Variants in GLYCTK observed in about 807,000 individuals in gnomAD.
GLYCTK encodes HBeAg binding protein 4.
In GLYCTK, 22 loss-of-function variants were observed where a neutral mutation model predicts 24.8. The observed-to-expected ratio is 0.89, with a 90% confidence interval of 0.63 to 1.27. The LOEUF is 1.27. Among genes scored for constraint, GLYCTK ranks in the 50% most tolerant of loss-of-function variants. The pLI, the probability that GLYCTK is intolerant of heterozygous loss-of-function variation, is 0.00. For missense variants in GLYCTK, 684 were observed against 686.7 expected, an observed-to-expected ratio of 1.00 and a Z score of 0.04; for synonymous variants, 320 against 297.2, an observed-to-expected ratio of 1.08 and a Z score of -0.79.
rs1201417821 is a variant in GLYCTK at position 52,292,350 on chromosome 3, G to C, written c.796G>C (p.Asp266His). ...PTVASSHNVQ[D>H]CLHILNRYGL... is the part of the protein sequence containing the mutation. Reference sequence around the variant, plus strand: ...CGTGGCCAGTTCCCACAATGTGCAAGATTGCCTGCATATCCTCAATCGCTA... The same window carrying C: ...CGTGGCCAGTTCCCACAATGTGCAACATTGCCTGCATATCCTCAATCGCTA... The change falls in exon 5 of 5, where the codon GAT becomes CAT. Residue 266 changes from aspartate to histidine, a missense_variant. Asp to His is a moderately conservative substitution (Grantham distance 81). Coordinates refer to ENST00000436784, the MANE Select transcript of GLYCTK (RefSeq NM_145262.4). The C allele has an allele frequency of 6.2e-7, 1 of 1,614,036 alleles. No individual in the cohort carries two copies.
chr3:52,290,427 G>C lies in GLYCTK; in HGVS notation c.85G>C (p.Ala29Pro). The C allele has an allele frequency of 6.2e-7, 1 of 1,611,312 alleles. No homozygotes were observed. The highest frequency in any genetic ancestry group is 8.5e-7 in the Non-Finnish European group (1 of 1,179,978). The change falls in exon 2 of 5, where the codon GCC becomes CCC. Residue 29 changes from alanine (A) to proline (P), a missense_variant. Ala to Pro is a conservative substitution (Grantham distance 27). Coordinates refer to ENST00000436784, the MANE Select transcript of GLYCTK (RefSeq NM_145262.4). The part of the protein sequence containing the change: ...LLWRGSVARL[A>P]SSMALAEQAR... Reference sequence around the variant, plus strand: ...CTGGCGGGGCTCAGTGGCCCGTCTGGCCAGCAGCATGGCCTTGGCAGAGCA... The same window carrying C: ...CTGGCGGGGCTCAGTGGCCCGTCTGCCCAGCAGCATGGCCTTGGCAGAGCA...
rs777617813 is a variant in GLYCTK at position 52,293,070 on chromosome 3, G to C, written c.1516G>C (p.Gly506Arg). ...GGGTGGGGCACACCTGCTGCACACA[G>C]GGATGACAGGTACCAATGTCATGGA... Reference protein sequence around the residue: ...LQGGAHLLHTGMTGTNVMDTH... With the variant: ...LQGGAHLLHTRMTGTNVMDTH... The change falls in exon 5 of 5, where the codon GGG (glycine) becomes CGG (arginine). Residue 506 changes from glycine (G) to arginine (R), a missense_variant. Transcript: ENST00000436784. The C allele has an allele frequency of 6.2e-7, 1 of 1,614,108 alleles. No homozygotes were observed. The highest frequency in any genetic ancestry group is 1.7e-5 in the Admixed American group (1 of 60,022).
At position 52,292,845 on chromosome 3, in the gene GLYCTK, G is replaced by A; in HGVS notation, c.1291G>A (p.Gly431Arg). ...GAACCAGGAACTGGCCCTGCGTGTT[G>A]GAGCAGAGTTGAGAAGGTGGCCGCT... ...GRNQELALRV[G>R]AELRRWPLGP... Residue 431 changes from glycine to arginine, a missense_variant, in exon 5 of 5, where the codon GGA becomes AGA. Transcript: ENST00000436784. 2 of 1,613,836 alleles carry A rather than the reference G, an allele frequency of 1.2e-6. No individual in the cohort carries two copies. Among genetic ancestry groups the A allele is most frequent in the Non-Finnish European group, 1.7e-6 (2 of 1,179,944 alleles).
At chr3:52,289,933 G>A (rs1217423280) in intron 1 of GLYCTK, 2 of 238,130 alleles carry the variant, frequency 8.4e-6, no homozygotes, top group African/African-American at 4.5e-5. Flanking sequence ...GAAGTGCAGG[G>A]GGTGGAAAAG....
intron 4 of GLYCTK, 131 bp from the exon 5 acceptor site, chr3:52,292,129 G>A: frequency 7.6e-7 from 1 of 1,311,958 alleles, no homozygotes; most frequent in South Asian, 1.3e-5. Context: ...CACGTGAGAG[G>A]AGTTAACCAT....
chr3:52,290,917 G>A, intron 2 of GLYCTK, 43 bp from the exon 3 acceptor site: 1 of 1,611,564 alleles, frequency 6.2e-7, no homozygotes, highest in African/African-American at 1.3e-5. Context: ...TGGGAGGAGA[G>A]GAGTCCACCC....
chr3:52,291,185 G>C, intron 3 of GLYCTK, 74 bp downstream of exon 3: 2 of 1,566,268 alleles, frequency 1.3e-6, no homozygotes, highest in Non-Finnish European at 1.7e-6. Context: ...CGAGAGATCA[G>C]GTCTGAGCCC....
At chr3:52,289,080 T>A (rs764055697) in intron 1 of GLYCTK, 1 of 151,714 alleles carries the variant, frequency 6.6e-6, no homozygotes, top group Admixed American at 6.6e-5. Context: ...TCTCACCCCA[T>A]GTCTCATTTT....
intron 1 of GLYCTK, 105 bp downstream of exon 1, chr3:52,287,981 C>T: frequency 8.6e-6 from 3 of 347,262 alleles, no homozygotes; most frequent in Non-Finnish European, 1.8e-5. Context: ...CATCACCGGG[C>T]ATTACGCGGC....
Position 52,295,060 on chromosome 3 carries a change from G to A in GLYCTK, c.*1934G>A. On this transcript the variant is annotated 3_prime_UTR_variant, in exon 5 of 5. Coordinates refer to ENST00000436784, the MANE Select transcript of GLYCTK (RefSeq NM_145262.4). ...ATACTTCTGTTTGTAGGGGCTGGGAGGCCAGGGCCCGGATTGGACCCCATA... is the reference window on the plus strand; with the variant it reads ...ATACTTCTGTTTGTAGGGGCTGGGAAGCCAGGGCCCGGATTGGACCCCATA... 2.2e-6 allele frequency: 1 copy of A among 454,076 alleles called. No individual in the cohort carries two copies. Among genetic ancestry groups the A allele is most frequent in the South Asian group, 1.6e-5 (1 of 64,476 alleles). The allele number at this position is 454,076 out of a possible 1,614,324, so 28.1% of individuals were successfully genotyped here.
intron 1 of GLYCTK, among the ~76,000 whole-genome samples, chr3:52,289,618 A>C (rs1255986002): frequency 2.6e-5 from 4 of 152,220 alleles, no homozygotes; most frequent in Non-Finnish European, 5.9e-5. Context: ...CATGAGCCAG[A>C]CTTTGCCCTC....
chr3:52,290,214 T>C, intron 1 of GLYCTK, 90 bp from the exon 2 acceptor site: 1 of 1,036,000 alleles, frequency 9.7e-7, no homozygotes. Context: ...AGCTGTGGGG[T>C]CCACTGGCCC....
intron 3 of GLYCTK, 95 bp from the exon 4 acceptor site, chr3:52,291,652 A>G: frequency 8.2e-7 from 1 of 1,217,550 alleles, no homozygotes; most frequent in Non-Finnish European, 1.2e-6. Flanking sequence ...CCACCTTTCC[A>G]GCCCCCTTTT....
rs977620071 is a variant in GLYCTK, at chr3:52,291,021, C to T, written c.439C>T (p.Pro147Ser). Reference protein sequence around the residue: ...QVFEGAEDNLPDRDALRAALA... With the variant: ...QVFEGAEDNLSDRDALRAALA... ...ATTCGAGGGTGCGGAGGACAACCTC[C>T]CGGACCGCGATGCGCTGCGGGCTGC... Residue 147 changes from proline (P) to serine (S), a missense_variant, in exon 3 of 5, where the codon CCG becomes TCG. Coordinates refer to ENST00000436784, the MANE Select transcript of GLYCTK (RefSeq NM_145262.4). 6.2e-7 allele frequency: 1 copy of T among 1,613,950 alleles called. No homozygotes were observed. The highest frequency in any genetic ancestry group is 8.5e-7 in the Non-Finnish European group (1 of 1,180,018).
Position 52,293,634 on chromosome 3 carries a change from G to A in GLYCTK, c.*508G>A, listed in dbSNP as rs772413663. On this transcript the variant is annotated 3_prime_UTR_variant, in exon 5 of 5. Transcript: ENST00000436784. ...GATGTGCCTCGCATAACGGGAGCCT[G>A]TGCCCATCCCTCTGGAGTGTGTGAG... 1.8e-5 allele frequency: 8 copies of A among 454,550 alleles called. No individual in the cohort carries two copies. Among genetic ancestry groups the A allele is most frequent in the South Asian group, 1.2e-4 (8 of 64,480 alleles). 28.2% of individuals were successfully genotyped at this position (454,550 alleles called of 1,614,324 possible).
intron 4 of GLYCTK, 138 bp downstream of exon 4, chr3:52,292,060 A>G (rs1559465672): frequency 8.8e-7 from 1 of 1,132,882 alleles, no homozygotes; most frequent in Non-Finnish European, 1.3e-6. Context: ...GGGTGACATC[A>G]TGGGAGGGGT....
At chr3:52,292,009 A>G in intron 4 of GLYCTK, 87 bp downstream of exon 4, 1 of 1,370,064 alleles carries the variant, frequency 7.3e-7, no homozygotes, top group Admixed American at 1.8e-5. Flanking sequence ...AACAGCATAT[A>G]GATTGGCAGG....
rs1700521580 is a variant in GLYCTK at position 52,292,724 on chromosome 3, G to A, written c.1170G>A (p.Glu390=). Residue 390 remains glutamate, a synonymous_variant, in exon 5 of 5, where the codon GAG becomes GAA. Transcript: ENST00000436784. ...ELQIPDLQLE[E]ALETMAWGRG... ...AGATCCCAGACCTGCAGCTGGAGGAGGCTCTGGAGACCATGGCATGGGGAA... is the reference window on the plus strand; with the variant it reads ...AGATCCCAGACCTGCAGCTGGAGGAAGCTCTGGAGACCATGGCATGGGGAA... The A allele has an allele frequency of 6.2e-7, 1 of 1,608,778 alleles. No homozygotes were observed. The highest frequency in any genetic ancestry group is 1.3e-5 in the African/African-American group (1 of 74,870).
rs1700593048 is a variant in GLYCTK, at chr3:52,294,944, G to A, written c.*1818G>A. The A allele has an allele frequency of 2.2e-6, 1 of 453,924 alleles. No homozygotes were observed. The highest frequency in any genetic ancestry group is 4.4e-6 in the Non-Finnish European group (1 of 226,798). 28.1% of individuals were successfully genotyped at this position (453,924 alleles called of 1,614,324 possible). A position where few individuals can be genotyped will look rare whatever the true frequency, so the allele number is the denominator to read the frequency against. ...GTGTACACATAGATACTTAGTACAG[G>A]GCACATGACTCCCTGCATCCCTGCT... is the stretch of plus-strand genomic sequence containing the variant. On this transcript the variant is annotated 3_prime_UTR_variant, in exon 5 of 5. Transcript: ENST00000436784.
Sources: allele counts gnomAD v4.1 joint callset (sites outside exome capture counted in the v4.1 genomes callset), GRCh38; gene constraint gnomAD v4.1.1; transcripts MANE v1.5; gene names NCBI Gene and HGNC (gene_info 2026-07-23, HGNC 2026-07-21).